The following DSE variants were observed in gnomAD, a reference collection of about 807,000 sequenced individuals.
DSE encodes dermatan sulfate epimerase.
Under a neutral mutation model 84.4 loss-of-function variants are expected in DSE, and 36 were observed. The ratio of observed to expected loss-of-function variants is 0.43; its 90% CI spans 0.33 to 0.56. DSE has a LOEUF of 0.56. Ranked by LOEUF, DSE falls within the 20% of genes least tolerant of loss-of-function variation. The pLI is 0.06. For synonymous variants in DSE, 410 were observed against 430.1 expected (o/e 0.95, Z 0.58); for missense variants, 862 against 1,169.6 (o/e 0.74, Z 3.84).
At chr6:116,378,107 A>G (rs1780029745) in intron 1 of DSE, among the ~76,000 whole-genome samples, 1 of 152,152 alleles carries the variant, frequency 6.6e-6, no homozygotes. Context: ...GTAGCCTGAA[A>G]GGGAACGTTG....
In DSE at chr6:116,317,740, G is replaced by C. The variant is rs1372782526; in HGVS notation, c.-54+58773G>C. ...AATTGTATTGCCGTATCTAAACAAA[G>C]TGTGCAATTGTTTGGGTTTATGTAC... On this transcript the variant is annotated intron_variant, in intron 2 of 3. Coordinates refer to the DSE transcript ENST00000430252. Among the ~76,000 whole-genome samples the C allele has an allele frequency of 3.9e-5, 6 of 152,276 alleles. No homozygotes were observed. In the East Asian group the frequency reaches 1.2e-3, roughly 29 times the overall value.
chr6:116,406,456 G>A (rs1359666579), intron 2 of DSE, among the ~76,000 whole-genome samples: 1 of 152,224 alleles, frequency 6.6e-6, no homozygotes, highest in Admixed American at 6.5e-5. Flanking sequence ...GAAAATGTTA[G>A]TTGGCAAGTG....
intron 2 of DSE, among the ~76,000 whole-genome samples, chr6:116,284,988 A>G (rs1271530900): frequency 1.3e-5 from 2 of 152,098 alleles, no homozygotes; most frequent in Non-Finnish European, 2.9e-5. Flanking sequence ...ATACATGTGC[A>G]TGTGTCTTTA....
intron 2 of DSE, among the ~76,000 whole-genome samples, chr6:116,347,170 A>G (rs185381150): frequency 2.6e-5 from 4 of 152,330 alleles, no homozygotes; most frequent in Non-Finnish European, 4.4e-5. Flanking sequence ...GGAGGAATCA[A>G]TATCCTGAAA....
chr6:116,375,660 G>A (rs1276153562), intron 1 of DSE: 1 of 688,968 alleles, frequency 1.5e-6, no homozygotes, highest in African/African-American at 2.0e-5. Flanking sequence ...GAAATACAAG[G>A]TATTGTGCAT....
chr6:116,383,965 G>A (rs907856962), intron 1 of DSE, among the ~76,000 whole-genome samples: 3 of 152,182 alleles, frequency 2.0e-5, no homozygotes, highest in Admixed American at 2.0e-4. Flanking sequence ...CAATTGTGTA[G>A]ATGTAGAAGA....
At chr6:116,385,129 C>T (rs1431821670) in intron 1 of DSE, among the ~76,000 whole-genome samples, 1 of 152,132 alleles carries the variant, frequency 6.6e-6, no homozygotes, top group African/African-American at 2.4e-5. Context: ...CTCATGTATA[C>T]AGGAATAATA....
chr6:116,343,481 T>G (rs1017066400), intron 2 of DSE, among the ~76,000 whole-genome samples: 7 of 152,206 alleles, frequency 4.6e-5, no homozygotes, highest in Non-Finnish European at 1.0e-4. Context: ...ACATTGGCCA[T>G]TCTGCAATAT....
intron 2 of DSE, among the ~76,000 whole-genome samples, chr6:116,347,380 G>A (rs1048660372): frequency 6.6e-6 from 1 of 152,036 alleles, no homozygotes; most frequent in Non-Finnish European, 1.5e-5. Context: ...ATACTACAAG[G>A]CTACAGTAAC....
At chr6:116,396,809 G>T (rs1246601722) in intron 1 of DSE, among the ~76,000 whole-genome samples, 1 of 152,208 alleles carries the variant, frequency 6.6e-6, no homozygotes, top group African/African-American at 2.4e-5. Context: ...GAGCAGTCCT[G>T]AATATACAGT....
At chr6:116,381,313 G>A (rs1258491488) in intron 1 of DSE, among the ~76,000 whole-genome samples, 1 of 152,118 alleles carries the variant, frequency 6.6e-6, no homozygotes, top group Non-Finnish European at 1.5e-5. Context: ...AAGTCTGAAG[G>A]GGGAGTTTAT....
chr6:116,398,280 T>C (rs951912921), intron 1 of DSE, among the ~76,000 whole-genome samples: 1 of 152,200 alleles, frequency 6.6e-6, no homozygotes, highest in East Asian at 1.9e-4. Context: ...TTTCTACATT[T>C]GAAAGATGTT....
At chr6:116,434,269 C>T (rs1311325291) in intron 5 of DSE, among the ~76,000 whole-genome samples, 1 of 152,140 alleles carries the variant, frequency 6.6e-6, no homozygotes, top group Non-Finnish European at 1.5e-5. Flanking sequence ...ACTGATTAAT[C>T]ATTAATCCCT....
At chr6:116,263,641 C>G (rs950643554) in intron 2 of DSE, among the ~76,000 whole-genome samples, 1 of 152,140 alleles carries the variant, frequency 6.6e-6, no homozygotes, top group Non-Finnish European at 1.5e-5. Context: ...TTGATCCTGT[C>G]ATCATGAAGC....
chr6:116,410,606 C>T (rs920802498), intron 2 of DSE, among the ~76,000 whole-genome samples: 15 of 151,624 alleles, frequency 9.9e-5, no homozygotes, highest in African/African-American at 2.4e-4. Flanking sequence ...TGGTGACACA[C>T]GCCTGTAGTC....
chr6:116,364,998 A>G (rs980559896), intron 2 of DSE, among the ~76,000 whole-genome samples: 4 of 151,414 alleles, frequency 2.6e-5, no homozygotes, highest in Admixed American at 1.3e-4. Context: ...ATGCCCGGCT[A>G]ATTTTTTGTG....
At chr6:116,288,868 G>A (rs1205855211) in intron 2 of DSE, among the ~76,000 whole-genome samples, 1 of 152,014 alleles carries the variant, frequency 6.6e-6, no homozygotes, top group Non-Finnish European at 1.5e-5. Context: ...GAGGTAGCAG[G>A]CACACATTTT....
At chr6:116,433,316 T>G (rs1186466852) in intron 4 of DSE, 27 bp from the exon 5 acceptor site, 6 of 1,547,776 alleles carry the variant, frequency 3.9e-6, no homozygotes, top group Non-Finnish European at 4.4e-6. Flanking sequence ...TCAAAGTATC[T>G]TAATTCTTTC....
rs58935039 is a variant in DSE, at chr6:116,335,717, A to G, written c.-53-63481A>G. 1.6e-3 allele frequency among the ~76,000 whole-genome samples: 251 copies of G among 152,366 alleles called. 4 individuals carry two copies. In the East Asian group the frequency reaches 0.034, roughly 21 times the overall value. On this transcript the variant is annotated intron_variant, in intron 2 of 3. Coordinates refer to the DSE transcript ENST00000430252. ...AATGGTTGGTTTTTGTAAGGTGGGA[A>G]TAAGACAACAGAACGATAAATAAAA... is the stretch of plus-strand genomic sequence containing the variant.
Sources: gnomAD v4.1 joint callset for allele counts (sites outside exome capture counted in the v4.1 genomes callset) on GRCh38, gnomAD v4.1.1 for gene constraint, MANE v1.5 for transcripts, NCBI Gene and HGNC (gene_info 2026-07-23, HGNC 2026-07-21) for gene names.